Variants in FANK1 observed in about 807,000 individuals in gnomAD.
The protein encoded by FANK1 is fibronectin type 3 and ankyrin repeat domains protein 1.
A neutral mutation model predicts 45.3 loss-of-function variants in FANK1; 44 were observed. That is an observed-to-expected ratio of 0.97 (90% CI 0.76 to 1.25). The LOEUF (loss-of-function observed/expected upper bound fraction) is 1.25, where lower values mean the gene tolerates loss of function less well. Ranked by LOEUF, FANK1 falls within the 50% of genes most tolerant of loss-of-function variation. The probability of loss-of-function intolerance (pLI) is 0.00; values close to 1 mark genes in which losing one functional copy is unlikely to be tolerated. For missense variants in FANK1, 391 were observed against 424.4 expected (o/e 0.92, Z 0.69); for synonymous variants, 149 against 152.5 (o/e 0.98, Z 0.17).
chr10:125,955,098 GTT>G (rs762356070), intron 1 of FANK1, among the ~76,000 whole-genome samples: 1 of 143,034 alleles, frequency 7.0e-6, no homozygotes, highest in African/African-American at 2.6e-5. Flanking sequence ...AATGCTCAAA[GTT>G]TTTTTTTTTT....
chr10:125,985,101 C>T (rs1054158172), intron 2 of FANK1, among the ~76,000 whole-genome samples: 7 of 149,722 alleles, frequency 4.7e-5, no homozygotes, highest in Admixed American at 2.0e-4. Context: ...AACACAGTTG[C>T]GTTATTTCCC....
At chr10:125,911,156 G>C (rs554987624) in intron 1 of FANK1, among the ~76,000 whole-genome samples, 2 of 152,174 alleles carry the variant, frequency 1.3e-5, no homozygotes, top group Non-Finnish European at 2.9e-5. Context: ...GTATCATCCA[G>C]GTGGGCACGA....
intron 1 of FANK1, among the ~76,000 whole-genome samples, chr10:125,925,147 C>T (rs1324391089): frequency 1.3e-5 from 2 of 151,992 alleles, no homozygotes; most frequent in Admixed American, 6.6e-5. Flanking sequence ...TTCATCCTCC[C>T]TAATTATTTT....
At chr10:125,909,460 G>T (rs1305498047) in intron 1 of FANK1, among the ~76,000 whole-genome samples, 1 of 149,606 alleles carries the variant, frequency 6.7e-6, no homozygotes, top group Non-Finnish European at 1.5e-5. Context: ...ATTTCATTCG[G>T]CTTAATTTGC....
intron 2 of FANK1, among the ~76,000 whole-genome samples, chr10:125,987,090 A>G (rs1253596110): frequency 6.6e-6 from 1 of 151,816 alleles, no homozygotes; most frequent in Non-Finnish European, 1.5e-5. Flanking sequence ...CTGTCATTTC[A>G]CCCTTGCTCA....
intron 1 of FANK1, among the ~76,000 whole-genome samples, chr10:125,915,165 C>T (rs1946351428): frequency 6.6e-6 from 1 of 152,194 alleles, no homozygotes. Flanking sequence ...GCTGCTCTTT[C>T]CACAGGCCAC....
At chr10:125,962,985 T>TG in intron 1 of FANK1, among the ~76,000 whole-genome samples, 1 of 139,690 alleles carries the variant, frequency 7.2e-6, no homozygotes, top group African/African-American at 2.6e-5. Flanking sequence ...ATTATTACTG[T>TG]GGTTTTTTTT....
chr10:125,951,583 C>G (rs1949235857), intron 1 of FANK1, among the ~76,000 whole-genome samples: 1 of 152,132 alleles, frequency 6.6e-6, no homozygotes. Context: ...TATTCTGATT[C>G]TCAGTCTTAC....
intron 2 of FANK1, among the ~76,000 whole-genome samples, chr10:125,986,207 C>CA (rs1186197838): frequency 2.0e-5 from 3 of 152,162 alleles, no homozygotes; most frequent in South Asian, 2.1e-4. Flanking sequence ...AGACTGAATC[C>CA]ACCAGCACAG....
At chr10:125,966,444 C>T (rs1950205319) in intron 1 of FANK1, among the ~76,000 whole-genome samples, 1 of 152,120 alleles carries the variant, frequency 6.6e-6, no homozygotes, top group African/African-American at 2.4e-5. Flanking sequence ...CCTGCCTCCC[C>T]CATGCACCTG....
At chr10:125,954,292 G>T (rs1293042202) in intron 1 of FANK1, among the ~76,000 whole-genome samples, 4 of 152,170 alleles carry the variant, frequency 2.6e-5, no homozygotes, top group African/African-American at 9.7e-5. Flanking sequence ...AGGCATAAAG[G>T]ATAAGGAAGT....
chr10:125,927,529 C>T (rs1589893165), intron 1 of FANK1, among the ~76,000 whole-genome samples: 1 of 152,040 alleles, frequency 6.6e-6, no homozygotes, highest in Non-Finnish European at 1.5e-5. Context: ...AAGCTTGGGT[C>T]CATTATGAGT....
At chr10:125,993,398 G>A (rs1267160878) in intron 3 of FANK1, among the ~76,000 whole-genome samples, 2 of 152,184 alleles carry the variant, frequency 1.3e-5, no homozygotes, top group African/African-American at 2.4e-5. Context: ...AAGTATAGAT[G>A]AGACGCATCA....
intron 1 of FANK1, among the ~76,000 whole-genome samples, chr10:125,926,952 A>C (rs1295238878): frequency 1.3e-5 from 2 of 152,262 alleles, no homozygotes; most frequent in African/African-American, 4.8e-5. Flanking sequence ...TCACCTAGTT[A>C]ACACCTAAGA....
chr10:125,942,342 G>A (rs1948502379), intron 1 of FANK1, among the ~76,000 whole-genome samples: 1 of 152,156 alleles, frequency 6.6e-6, no homozygotes, highest in African/African-American at 2.4e-5. Context: ...GTTTACCTAC[G>A]TAACAAACCT....
chr10:125,934,819 C>CT (rs1947988280), intron 1 of FANK1, among the ~76,000 whole-genome samples: 1 of 133,386 alleles, frequency 7.5e-6, no homozygotes, highest in Non-Finnish European at 1.5e-5. Context: ...CTATCCCAGT[C>CT]TGGCTGTCCT....
chr10:126,000,749 T>G (rs192338747), intron 6 of FANK1, among the ~76,000 whole-genome samples: 1 of 152,288 alleles, frequency 6.6e-6, no homozygotes, highest in Admixed American at 6.5e-5. Context: ...GTTAAGGACA[T>G]TCCAGGGAAA....
chr10:125,916,665 ACATG>A (rs1027546039), intron 1 of FANK1, among the ~76,000 whole-genome samples: 10 of 152,218 alleles, frequency 6.6e-5, no homozygotes, highest in African/African-American at 2.2e-4. Flanking sequence ...CAATTCTGAC[ACATG>A]CTACACCATG....
chr10:125,985,824 C>T (rs1951518589), intron 2 of FANK1, among the ~76,000 whole-genome samples: 1 of 152,196 alleles, frequency 6.6e-6, no homozygotes, highest in African/African-American at 2.4e-5. Flanking sequence ...TGTGATGCAT[C>T]AGCTGGGATG....
Sources: allele counts gnomAD v4.1 joint callset (sites outside exome capture counted in the v4.1 genomes callset), GRCh38; gene constraint gnomAD v4.1.1; transcripts MANE v1.5; gene names NCBI Gene and HGNC (gene_info 2026-07-23, HGNC 2026-07-21).